CSMD1: variants seen among roughly 807,000 people sequenced by gnomAD.
CSMD1 encodes the protein CUB and sushi domain-containing protein 1.
In CSMD1, 213 loss-of-function variants were observed where a neutral mutation model predicts 417.5. That is an observed-to-expected ratio of 0.51 (90% CI 0.46 to 0.57). The LOEUF (loss-of-function observed/expected upper bound fraction) is 0.57, where lower values mean the gene tolerates loss of function less well. CSMD1 is among the 20% of genes least tolerant of loss of function. The pLI is 0.00. For missense variants in CSMD1, 6,923 were observed against 4,529.7 expected (o/e 1.53, Z -15.17); for synonymous variants, 2,862 against 1,736.8 (o/e 1.65, Z -16.11).
intron 3 of CSMD1, among the ~76,000 whole-genome samples, chr8:4,192,948 ACCC>A (rs1799115427): frequency 1.3e-5 from 2 of 152,156 alleles, no homozygotes. Flanking sequence ...ACGTGGTGCT[ACCC>A]TTCCTATTTT....
At chr8:4,696,744 G>T (rs1371187522) in intron 1 of CSMD1, among the ~76,000 whole-genome samples, 1 of 152,164 alleles carries the variant, frequency 6.6e-6, no homozygotes, top group East Asian at 1.9e-4. Flanking sequence ...ATAATGCCCA[G>T]CACCCAACAT....
intron 3 of CSMD1, among the ~76,000 whole-genome samples, chr8:4,325,879 G>C (rs1414917751): frequency 1.3e-5 from 2 of 152,120 alleles, no homozygotes; most frequent in African/African-American, 2.4e-5. Flanking sequence ...GTTCCGTTCT[G>C]TATATGCACA....
intron 5 of CSMD1, among the ~76,000 whole-genome samples, chr8:3,930,700 C>T (rs1400469343): frequency 6.7e-6 from 1 of 150,036 alleles, no homozygotes; most frequent in African/African-American, 2.5e-5. Flanking sequence ...ACCCTTTCTG[C>T]AGAAAGGAAA....
At chr8:4,032,490 A>C (rs2554570) in intron 3 of CSMD1, among the ~76,000 whole-genome samples, 129,564 of 152,164 alleles carry the variant, frequency 0.85, 55,745 homozygotes, top group East Asian at 0.93. Flanking sequence ...ACAGTGGCAT[A>C]AGAAATACTG....
chr8:3,234,301 G>T, intron 26 of CSMD1, among the ~76,000 whole-genome samples: 1 of 152,206 alleles, frequency 6.6e-6, no homozygotes, highest in Middle Eastern at 3.4e-3. Flanking sequence ...CACTTTTACT[G>T]TATTTTCAGC....
intron 3 of CSMD1, among the ~76,000 whole-genome samples, chr8:4,047,668 G>A (rs1798218777): frequency 6.6e-6 from 1 of 152,058 alleles, no homozygotes; most frequent in Non-Finnish European, 1.5e-5. Context: ...GGCATGCAGA[G>A]AGAAGAAACA....
intron 1 of CSMD1, among the ~76,000 whole-genome samples, chr8:4,775,884 G>C (rs1044962146): frequency 6.6e-6 from 1 of 152,142 alleles, no homozygotes; most frequent in African/African-American, 2.4e-5. Context: ...GGACAGAAAA[G>C]GCAGAGAGAG....
intron 3 of CSMD1, among the ~76,000 whole-genome samples, chr8:4,069,408 T>A (rs1264386941): frequency 1.3e-5 from 2 of 152,198 alleles, no homozygotes; most frequent in Non-Finnish European, 2.9e-5. Flanking sequence ...GTTTTCCGAG[T>A]TTTCCATGAG....
intron 12 of CSMD1, among the ~76,000 whole-genome samples, chr8:3,462,427 A>G (rs936614498): frequency 5.3e-5 from 8 of 152,132 alleles, no homozygotes; most frequent in African/African-American, 1.9e-4. Flanking sequence ...TTACCACCTG[A>G]GCTCTGCCTC....
intron 3 of CSMD1, among the ~76,000 whole-genome samples, chr8:4,363,500 C>A (rs995273020): frequency 6.6e-6 from 1 of 152,128 alleles, no homozygotes; most frequent in Non-Finnish European, 1.5e-5. Flanking sequence ...GAAAAGCATA[C>A]TTTTATTGTT....
intron 23 of CSMD1, among the ~76,000 whole-genome samples, chr8:3,334,870 T>A (rs937471358): frequency 6.6e-6 from 1 of 152,250 alleles, no homozygotes; most frequent in Non-Finnish European, 1.5e-5. Flanking sequence ...CACAGCCTGC[T>A]GGGGAGCTGC....
At position 4,800,655 on chromosome 8, in the gene CSMD1, G is replaced by A. The variant is rs1040516123; in HGVS notation, c.86-163097C>T. Among the ~76,000 whole-genome samples the A allele has an allele frequency of 5.9e-5, 9 of 152,318 alleles. No individual in the cohort carries two copies. The South Asian group carries it at 1.7e-3, about 28-fold the overall frequency. On this transcript the variant is annotated intron_variant, in intron 1 of 69. Coordinates refer to ENST00000635120, the MANE Select transcript of CSMD1 (RefSeq NM_033225.6). ...TTGGTGCAATCCCCCAGGGGGCTGT[G>A]GAGCCTCAGAGTTGTCCAGGTCAGC...
At chr8:3,071,486 T>C (rs1026717275) in intron 49 of CSMD1, among the ~76,000 whole-genome samples, 2 of 152,106 alleles carry the variant, frequency 1.3e-5, no homozygotes, top group African/African-American at 4.8e-5. Context: ...ACCTGCACAT[T>C]CTGCACATGT....
At chr8:3,794,724 G>A (rs1010384385) in intron 5 of CSMD1, among the ~76,000 whole-genome samples, 13 of 152,026 alleles carry the variant, frequency 8.6e-5, no homozygotes, top group East Asian at 1.9e-4. Context: ...AAACTCCTCC[G>A]ATATCTCACA....
intron 23 of CSMD1, among the ~76,000 whole-genome samples, chr8:3,338,040 T>C (rs1398624579): frequency 6.6e-6 from 1 of 152,178 alleles, no homozygotes; most frequent in Non-Finnish European, 1.5e-5. Context: ...AGCGATATCA[T>C]TCATGAAACT....
intron 3 of CSMD1, among the ~76,000 whole-genome samples, chr8:4,196,356 T>C (rs78269360): frequency 1.2e-3 from 178 of 152,310 alleles, no homozygotes; most frequent in African/African-American, 4.0e-3. Context: ...AATACAGTCT[T>C]ACTTTTAGTT....
At position 4,488,482 on chromosome 8, in the gene CSMD1, G is replaced by T. The variant is rs190536199; in HGVS notation, c.303-68417C>A. ...ATGAATATTCACAAAATAAACTAGTGGTGACAGTAGTCACCCTACTCTGAA... is the reference window on the plus strand; with the variant it reads ...ATGAATATTCACAAAATAAACTAGTTGTGACAGTAGTCACCCTACTCTGAA... On this transcript the variant is annotated intron_variant, in intron 2 of 69. Coordinates refer to ENST00000635120, the MANE Select transcript of CSMD1 (RefSeq NM_033225.6). Among the ~76,000 whole-genome samples, 12 of 152,056 alleles carry T rather than the reference G, an allele frequency of 7.9e-5. No homozygotes were observed. The East Asian group carries it at 2.3e-3, about 29-fold the overall frequency.
Position 4,312,679 on chromosome 8 carries a change from C to G in CSMD1, c.415+107274G>C, listed in dbSNP as rs374247972. ...ATCACCTGAGGTCAGGAGTTTGAGA[C>G]CAGCCTGGCCAACCTGACGAAACCC... On this transcript the variant is annotated intron_variant, in intron 3 of 69. Coordinates refer to ENST00000635120, the MANE Select transcript of CSMD1 (RefSeq NM_033225.6). Among the ~76,000 whole-genome samples the G allele has an allele frequency of 4.6e-5, 7 of 151,910 alleles. No individual in the cohort carries two copies. In the South Asian group the frequency reaches 1.5e-3, roughly 32 times the overall value.
At chr8:3,949,403 C>G (rs11779222) in intron 5 of CSMD1, among the ~76,000 whole-genome samples, 4 of 152,016 alleles carry the variant, frequency 2.6e-5, no homozygotes, top group East Asian at 1.9e-4. Flanking sequence ...TCAGACTATT[C>G]TAACTATCAC....
Sources: gnomAD v4.1 joint callset for allele counts (sites outside exome capture counted in the v4.1 genomes callset) on GRCh38, gnomAD v4.1.1 for gene constraint, MANE v1.5 for transcripts, NCBI Gene and HGNC (gene_info 2026-07-23, HGNC 2026-07-21) for gene names.